JMJD1C: variants seen among roughly 807,000 people sequenced by gnomAD.
JMJD1C encodes the protein jumonji domain-containing protein 1C.
JMJD1C carries 31 observed loss-of-function variants against 245.3 expected under a neutral mutation model. The observed-to-expected ratio is 0.13, with a 90% CI of 0.09 to 0.17. The LOEUF (loss-of-function observed/expected upper bound fraction) is 0.17. Ranked by LOEUF, JMJD1C falls within the 10% of genes least tolerant of loss-of-function variation. The probability of loss-of-function intolerance (pLI) is 1.00; values close to 1 mark genes in which losing one functional copy is unlikely to be tolerated. For missense variants in JMJD1C, 2,691 were observed against 3,000.2 expected (o/e 0.90, Z 2.41); for synonymous variants, 1,057 against 1,017.4 (o/e 1.04, Z -0.74).
At chr10:63,180,894 A>AG (rs1286973916) in intron 22 of JMJD1C, among the ~76,000 whole-genome samples, 2 of 150,526 alleles carry the variant, frequency 1.3e-5, no homozygotes, top group Non-Finnish European at 3.0e-5. Context: ...TCAGCCTCCC[A>AG]AGTAGCTGGG....
upstream of JMJD1C, among the ~76,000 whole-genome samples, chr10:63,468,162 G>A (rs1044744919): frequency 6.6e-6 from 1 of 152,078 alleles, no homozygotes; most frequent in Non-Finnish European, 1.5e-5. Context: ...AGTTTTTCAG[G>A]AGGGCATATA....
intron 2 of JMJD1C, among the ~76,000 whole-genome samples, chr10:63,349,248 T>C (rs1163535723): frequency 6.6e-6 from 1 of 151,730 alleles, no homozygotes; most frequent in Non-Finnish European, 1.5e-5. Context: ...TGCACAACCA[T>C]GAGCCAAAAA....
intron 1 of JMJD1C, among the ~76,000 whole-genome samples, chr10:63,410,385 T>C (rs1949411123): frequency 6.6e-6 from 1 of 152,186 alleles, no homozygotes; most frequent in African/African-American, 2.4e-5. Flanking sequence ...ATTTCTAAAG[T>C]TAACAAAATG....
At chr10:63,400,584 A>G (rs1002980381) in intron 1 of JMJD1C, among the ~76,000 whole-genome samples, 1 of 151,644 alleles carries the variant, frequency 6.6e-6, no homozygotes, top group African/African-American at 2.4e-5. Context: ...CGGCCCCGAG[A>G]TGGAGTCCTG....
upstream of JMJD1C, among the ~76,000 whole-genome samples, chr10:63,466,987 G>A (rs1222132348): frequency 6.8e-6 from 1 of 146,310 alleles, no homozygotes; most frequent in African/African-American, 2.5e-5. Context: ...TCAGTTTCTT[G>A]AGATTTTCCT....
intron 3 of JMJD1C, among the ~76,000 whole-genome samples, chr10:63,244,408 A>T (rs1851903349): frequency 6.6e-6 from 1 of 152,164 alleles, no homozygotes. Flanking sequence ...AGAAAGGTAA[A>T]TTATTTAAAA....
intron 1 of JMJD1C, among the ~76,000 whole-genome samples, chr10:63,478,420 G>A: frequency 6.6e-6 from 1 of 152,160 alleles, no homozygotes; most frequent in East Asian, 1.9e-4. Flanking sequence ...AAACTATGGA[G>A]TGCTACTCAA....
intron 1 of JMJD1C, among the ~76,000 whole-genome samples, chr10:63,451,822 A>G (rs1564933896): frequency 6.6e-6 from 1 of 152,220 alleles, no homozygotes. Flanking sequence ...AAAAGGTGCC[A>G]AAACTATTCA....
chr10:63,496,028 A>T (rs1954355396), intron 1 of JMJD1C, among the ~76,000 whole-genome samples: 1 of 150,588 alleles, frequency 6.6e-6, no homozygotes, highest in Non-Finnish European at 1.5e-5. Flanking sequence ...TTGTGAGGCA[A>T]TTGCACTAAA....
chr10:63,517,056 A>G (rs1297268133), intron 1 of JMJD1C, among the ~76,000 whole-genome samples: 1 of 152,216 alleles, frequency 6.6e-6, no homozygotes, highest in Admixed American at 6.5e-5. Flanking sequence ...TATGAAAGAC[A>G]GACTCATTTA....
intron 24 of JMJD1C, among the ~76,000 whole-genome samples, chr10:63,175,805 G>A (rs1307949063): frequency 2.0e-5 from 3 of 152,098 alleles, no homozygotes; most frequent in East Asian, 1.9e-4. Context: ...CATTTTTCCC[G>A]GTGCTGGAAA....
At chr10:63,371,046 T>C (rs370498813) in intron 2 of JMJD1C, among the ~76,000 whole-genome samples, 3 of 152,072 alleles carry the variant, frequency 2.0e-5, no homozygotes, top group South Asian at 4.1e-4. Flanking sequence ...GGCATAATCA[T>C]AGCTCACCAT....
intron 2 of JMJD1C, among the ~76,000 whole-genome samples, chr10:63,300,802 G>C (rs1859986745): frequency 6.6e-6 from 1 of 150,876 alleles, no homozygotes; most frequent in East Asian, 2.0e-4. Context: ...TGAGGGACAA[G>C]AATCACTCGA....
chr10:63,189,036 A>G (rs936008497), intron 18 of JMJD1C, 132 bp downstream of exon 18: 3 of 698,838 alleles, frequency 4.3e-6, no homozygotes, highest in African/African-American at 3.6e-5. Context: ...CGGTACTTTT[A>G]TATCTTATTG....
chr10:63,496,992 TGAAA>T (rs1225835697), intron 1 of JMJD1C, among the ~76,000 whole-genome samples: 1 of 152,104 alleles, frequency 6.6e-6, no homozygotes, highest in Non-Finnish European at 1.5e-5. Flanking sequence ...ATGTAACATA[TGAAA>T]GAAACAAACC....
intron 1 of JMJD1C, among the ~76,000 whole-genome samples, chr10:63,386,779 C>T (rs909130704): frequency 6.6e-6 from 1 of 152,146 alleles, no homozygotes; most frequent in Non-Finnish European, 1.5e-5. Flanking sequence ...CCACGCCTAC[C>T]GCCCAGGGCC....
At chr10:63,222,665 G>A (rs1188111818) in intron 3 of JMJD1C, 9 of 1,534,026 alleles carry the variant, frequency 5.9e-6, no homozygotes, top group African/African-American at 1.4e-5. Context: ...GTGTGTAGAG[G>A]GAGTGGTGCA....
chr10:63,215,951 G>A (rs1428652235), intron 5 of JMJD1C, among the ~76,000 whole-genome samples: 1 of 151,740 alleles, frequency 6.6e-6, no homozygotes, highest in Admixed American at 6.6e-5. Context: ...GAAAAACAAG[G>A]GTATTAATCA....
chr10:63,181,349 A>G (rs1843452910), intron 22 of JMJD1C, among the ~76,000 whole-genome samples: 1 of 152,204 alleles, frequency 6.6e-6, no homozygotes, highest in East Asian at 1.9e-4. Flanking sequence ...AGGCATCATA[A>G]TAAAGAGAAT....
Sources: allele counts gnomAD v4.1 joint callset (sites outside exome capture counted in the v4.1 genomes callset), GRCh38; gene constraint gnomAD v4.1.1; transcripts MANE v1.5; gene names NCBI Gene and HGNC (gene_info 2026-07-23, HGNC 2026-07-21).